The following B4GALNT1 variants were observed in gnomAD, a reference collection of about 807,000 sequenced individuals.
The protein encoded by B4GALNT1 is beta-1,4 N-acetylgalactosaminyltransferase 1.
B4GALNT1 carries 43 observed loss-of-function variants against 55.2 expected under a neutral mutation model. That is an observed-to-expected ratio of 0.78 (90% CI 0.61 to 1.00). The LOEUF is 1.00. B4GALNT1 is among the 50% of genes least tolerant of loss of function. The pLI is 0.00. For missense variants in B4GALNT1, 664 were observed against 729.7 expected (o/e 0.91, Z 1.04); for synonymous variants, 305 against 311.6 (o/e 0.98, Z 0.22).
In B4GALNT1 at chr12:57,626,625, G is replaced by A; in HGVS notation, c.*119C>T. The A allele has an allele frequency of 8.6e-7, 1 of 1,166,134 alleles. No homozygotes were observed. The highest frequency in any genetic ancestry group is 1.3e-6 in the Non-Finnish European group (1 of 798,170). The allele number at this position is 1,166,134 out of a possible 1,614,324, so 72.2% of individuals were successfully genotyped here. A position where few individuals can be genotyped will look rare whatever the true frequency, so the allele number is the denominator to read the frequency against. ...TCAGGTTCTGAAAAGGAAGAGTGAG[G>A]AACTAGAGGCTCAGGGACAGCCAGT... On this transcript the variant is annotated 3_prime_UTR_variant, in exon 11 of 11. Coordinates refer to ENST00000341156, the MANE Select transcript of B4GALNT1 (RefSeq NM_001478.5).
chr12:57,631,173 A>T, intron 3 of B4GALNT1, 27 bp downstream of exon 3: 2 of 1,613,614 alleles, frequency 1.2e-6, no homozygotes, highest in Non-Finnish European at 1.7e-6. Flanking sequence ...CCCCCTGAGG[A>T]GTCATGCGCT....
chr12:57,626,053 G>A lies in B4GALNT1; in HGVS notation c.*691C>T, dbSNP rs1884787403. The stretch of plus-strand genomic sequence containing the variant: ...TGGGTCTGACCTCATCATGTGGAGT[G>A]CAGAGGGCCCTGATGACATGTGTGT... On this transcript the variant is annotated 3_prime_UTR_variant, in exon 11 of 11. Coordinates refer to ENST00000341156, the MANE Select transcript of B4GALNT1 (RefSeq NM_001478.5). The A allele has an allele frequency of 3.8e-6, 1 of 262,714 alleles. No homozygotes were observed. The allele number at this position is 262,714 out of a possible 1,614,324, so 16.3% of individuals were successfully genotyped here.
chr12:57,624,499 G>A lies in B4GALNT1; in HGVS notation c.*2245C>T, dbSNP rs1594971191. ...AATCCACCCCTATCCCTATCCTGCA[G>A]GCTGTGTGGATGGTCACCTGGGTGG... On this transcript the variant is annotated 3_prime_UTR_variant, in exon 11 of 11. Coordinates refer to ENST00000341156, the MANE Select transcript of B4GALNT1 (RefSeq NM_001478.5). 1.6e-6 allele frequency: 1 copy of A among 624,374 alleles called. No individual in the cohort carries two copies. The highest frequency in any genetic ancestry group is 1.8e-5 in the African/African-American group (1 of 55,536). The allele number at this position is 624,374 out of a possible 1,614,324, so 38.7% of individuals were successfully genotyped here.
intron 1 of B4GALNT1, 177 bp from the exon 2 acceptor site, chr12:57,632,310 A>G (rs930920094): frequency 1.4e-6 from 1 of 716,574 alleles, no homozygotes; most frequent in Admixed American, 2.0e-5. Flanking sequence ...CCCTCCCCTC[A>G]CTTCCCAGGC....
Position 57,624,919 on chromosome 12 carries a change from T to C in B4GALNT1, c.*1825A>G, listed in dbSNP as rs773004821. 1 of 1,614,164 alleles carries C rather than the reference T, an allele frequency of 6.2e-7. No individual in the cohort carries two copies. Among genetic ancestry groups the C allele is most frequent in the East Asian group, 2.2e-5 (1 of 44,888 alleles). On this transcript the variant is annotated 3_prime_UTR_variant, in exon 11 of 11. Transcript: ENST00000341156. ...TGAGCTATCCAACACCACTGTACTT[T>C]GGGACCCGTGGGCAGTTTCGCTGCA...
intron 6 of B4GALNT1, chr12:57,629,371 C>A: frequency 2.3e-6 from 1 of 431,926 alleles, no homozygotes; most frequent in South Asian, 7.2e-5. Context: ...TACTATGTGC[C>A]AGACCCGTTA....
chr12:57,625,969 A>G lies in B4GALNT1; in HGVS notation c.*775T>C. On this transcript the variant is annotated 3_prime_UTR_variant, in exon 11 of 11. Transcript: ENST00000341156. ...ATTAAGGAAGAGGGGTGCCTAATCT[A>G]TTCCTGACATGTCTCCTCTCTTCTC... The G allele has an allele frequency of 2.2e-6, 1 of 452,434 alleles. No individual in the cohort carries two copies. The highest frequency in any genetic ancestry group is 3.8e-6 in the Non-Finnish European group (1 of 262,320). 28.0% of individuals were successfully genotyped at this position (452,434 alleles called of 1,614,324 possible).
intron 10 of B4GALNT1, 138 bp downstream of exon 10, chr12:57,627,480 G>T: frequency 1.9e-6 from 2 of 1,045,268 alleles, no homozygotes; most frequent in Non-Finnish European, 2.5e-6. Context: ...TGCAGGTCTT[G>T]GTAAATCACT....
At chr12:57,630,561 C>T in intron 4 of B4GALNT1, 43 bp from the exon 5 acceptor site, 14 of 1,558,272 alleles carry the variant, frequency 9.0e-6, no homozygotes, top group Non-Finnish European at 1.2e-5. Flanking sequence ...ATAGGCAGCC[C>T]TGAATTCTTT....
chr12:57,623,691 A>C lies in B4GALNT1; in HGVS notation c.*3053T>G. ...GGGAGGGTTAGATGTGAATGGCAGAATATTAAGAAGGGGGTTGTGTGGAAG... is the reference window on the plus strand; with the variant it reads ...GGGAGGGTTAGATGTGAATGGCAGACTATTAAGAAGGGGGTTGTGTGGAAG... On this transcript the variant is annotated 3_prime_UTR_variant, in exon 11 of 11. Coordinates refer to ENST00000341156, the MANE Select transcript of B4GALNT1 (RefSeq NM_001478.5). 1 of 659,432 alleles carries C rather than the reference A, an allele frequency of 1.5e-6. No homozygotes were observed. Among genetic ancestry groups the C allele is most frequent in the Non-Finnish European group, 2.6e-6 (1 of 384,936 alleles). 40.8% of individuals were successfully genotyped at this position (659,432 alleles called of 1,614,324 possible). A position where few individuals can be genotyped will look rare whatever the true frequency, so the allele number is the denominator to read the frequency against.
chr12:57,627,336 T>C (rs186485085), intron 10 of B4GALNT1, among the ~76,000 whole-genome samples: 2 of 151,648 alleles, frequency 1.3e-5, no homozygotes, highest in East Asian at 3.9e-4. Flanking sequence ...GGCACATGTA[T>C]ACACATGTAA....
chr12:57,623,950 G>A lies in B4GALNT1; in HGVS notation c.*2794C>T, dbSNP rs1594970174. 3.1e-6 allele frequency: 5 copies of A among 1,613,082 alleles called. No individual in the cohort carries two copies. Among genetic ancestry groups the A allele is most frequent in the Admixed American group, 3.3e-5 (2 of 59,892 alleles). ...AGGAGGCATGAGCATGGCTGGGAGGGGTAGCTGTATTCCAGGACATCGAGG... is the reference window on the plus strand; with the variant it reads ...AGGAGGCATGAGCATGGCTGGGAGGAGTAGCTGTATTCCAGGACATCGAGG... On this transcript the variant is annotated 3_prime_UTR_variant, in exon 11 of 11. Transcript: ENST00000341156.
chr12:57,632,116 C>G lies in B4GALNT1; in HGVS notation c.17G>C (p.Arg6Pro). The G allele has an allele frequency of 6.7e-7, 1 of 1,502,036 alleles. No homozygotes were observed. Among genetic ancestry groups the G allele is most frequent in the Non-Finnish European group, 8.9e-7 (1 of 1,124,366 alleles). 93.0% of individuals were successfully genotyped at this position (1,502,036 alleles called of 1,614,324 possible). The change falls in exon 2 of 11, where the codon CGG becomes CCG. Residue 6 changes from arginine (R) to proline (P), a missense_variant. Coordinates refer to ENST00000341156, the MANE Select transcript of B4GALNT1 (RefSeq NM_001478.5). ...CAGAAGGACCAGAGCGCACAGGGCC[C>G]GGCGGCCCAGCCACATCCTAGGTGG... The part of the protein sequence containing the change: MWLGR[R>P]ALCALVLLLA...
intron 7 of B4GALNT1, 57 bp from the exon 8 acceptor site, chr12:57,628,960 G>C: frequency 6.2e-7 from 1 of 1,604,600 alleles, no homozygotes; most frequent in Non-Finnish European, 8.5e-7. Flanking sequence ...GAGGGGAACA[G>C]GTAGATATCC....
In B4GALNT1 at chr12:57,624,602, C is replaced by G. The variant is rs540622978; in HGVS notation, c.*2142G>C. 1.1e-4 allele frequency: 77 copies of G among 690,260 alleles called. No homozygotes were observed. The highest frequency in any genetic ancestry group is 4.9e-4 in the Middle Eastern group (2 of 4,050). 42.8% of individuals were successfully genotyped at this position (690,260 alleles called of 1,614,324 possible). On this transcript the variant is annotated 3_prime_UTR_variant, in exon 11 of 11. Coordinates refer to ENST00000341156, the MANE Select transcript of B4GALNT1 (RefSeq NM_001478.5). ...CATGATGACTGTGGTCTGCCGCACC[C>G]GGAGGTGGGCATAGAGATGAGTGGA...
chr12:57,627,706 G>A lies in B4GALNT1; in HGVS notation c.1296C>T (p.Thr432=), dbSNP rs1178923380. The A allele has an allele frequency of 1.2e-6, 2 of 1,612,174 alleles. No homozygotes were observed. Among genetic ancestry groups the A allele is most frequent in the Non-Finnish European group, 1.7e-6 (2 of 1,179,078 alleles). The change falls in exon 10 of 11, where the codon ACC becomes ACT. Residue 432 remains threonine, a synonymous_variant. Coordinates refer to ENST00000341156, the MANE Select transcript of B4GALNT1 (RefSeq NM_001478.5). ...CCAGGAAGAAGTTAACCACGCCGTC[G>A]GTGACCACGCAGCCTGGGAAGCCGA... ...ELVGFPGCVV[T]DGVVNFFLAR...
In B4GALNT1 at chr12:57,623,798, TC is replaced by T. The variant is rs1388942448; in HGVS notation, c.*2945del. 5 of 1,585,040 alleles carry T rather than the reference TC, an allele frequency of 3.2e-6. No homozygotes were observed. The highest frequency in any genetic ancestry group is 4.3e-6 in the Non-Finnish European group (5 of 1,159,078). On this transcript the variant is annotated 3_prime_UTR_variant, in exon 11 of 11. Transcript: ENST00000341156. Reference sequence around the variant, plus strand: ...CAGCTCTCATGTGGGGGTGGGAGGCTCTCTTCCTTTTTTGCTCCTGTTCCTC... The same window carrying T: ...CAGCTCTCATGTGGGGGTGGGAGGCTTCTTCCTTTTTTGCTCCTGTTCCTC...
intron 6 of B4GALNT1, 45 bp downstream of exon 6, chr12:57,630,107 T>A (rs1165139920): frequency 1.2e-6 from 2 of 1,613,968 alleles, no homozygotes; most frequent in Admixed American, 1.7e-5. Context: ...TTCTGGTTCT[T>A]CTCTGTTTGC....
rs762513191 is a variant in B4GALNT1, at chr12:57,625,499, T to A, written c.*1245A>T. 7.4e-6 allele frequency: 12 copies of A among 1,613,956 alleles called. No individual in the cohort carries two copies. The East Asian group carries it at 2.7e-4, about 36-fold the overall frequency. Reference sequence around the variant, plus strand: ...GTGGAGAAGAGCGGGGCCCAGTGCCTGGGCAATGACTGGACACCTGCGGTA... The same window carrying A: ...GTGGAGAAGAGCGGGGCCCAGTGCCAGGGCAATGACTGGACACCTGCGGTA... On this transcript the variant is annotated 3_prime_UTR_variant, in exon 11 of 11. Coordinates refer to ENST00000341156, the MANE Select transcript of B4GALNT1 (RefSeq NM_001478.5).
Sources: allele counts gnomAD v4.1 joint callset (sites outside exome capture counted in the v4.1 genomes callset), GRCh38; gene constraint gnomAD v4.1.1; transcripts MANE v1.5; gene names NCBI Gene and HGNC (gene_info 2026-07-23, HGNC 2026-07-21).